CACNG1: variants seen among roughly 807,000 people sequenced by gnomAD.
The protein encoded by CACNG1 is voltage-dependent calcium channel gamma-1 subunit.
In CACNG1, 21 loss-of-function variants were observed where a neutral mutation model predicts 22.0. The observed-to-expected ratio is 0.95, with a 90% CI of 0.68 to 1.37. The LOEUF (loss-of-function observed/expected upper bound fraction) is 1.37. Ranked by LOEUF, CACNG1 falls within the 40% of genes most tolerant of loss-of-function variation. CACNG1 has a pLI of 0.00. For synonymous variants in CACNG1, 127 were observed against 129.2 expected (o/e 0.98, Z 0.12); for missense variants, 291 against 308.6 (o/e 0.94, Z 0.43).
intron 1 of CACNG1, among the ~76,000 whole-genome samples, chr17:67,049,857 T>TA (rs1269483426): frequency 6.6e-6 from 1 of 152,194 alleles, no homozygotes; most frequent in Non-Finnish European, 1.5e-5. Context: ...AGGTCCCACT[T>TA]AGTCTTAAAA....
Position 67,044,619 on chromosome 17 carries a change from C to A in CACNG1, c.-42C>A, listed in dbSNP as rs1477489790. On this transcript the variant is annotated 5_prime_UTR_variant, in exon 1 of 4. Coordinates refer to ENST00000226021, the MANE Select transcript of CACNG1 (RefSeq NM_000727.4). This position sits in a 1 kb window ranked among gnomAD's most constrained non-coding sequence, Gnocchi z 6.9. ...TTGTCACCTGCCCTAGGAGACGCAG[C>A]CGCCGGACCCTGCCCAGGGCACCCA... is the stretch of plus-strand genomic sequence containing the variant. 1.4e-6 allele frequency: 2 copies of A among 1,397,536 alleles called. No homozygotes were observed. The highest frequency in any genetic ancestry group is 2.0e-6 in the Non-Finnish European group (2 of 998,906). 86.6% of individuals were successfully genotyped at this position (1,397,536 alleles called of 1,614,324 possible).
chr17:67,048,673 A>G (rs778424658), intron 1 of CACNG1, among the ~76,000 whole-genome samples: 13 of 152,226 alleles, frequency 8.5e-5, no homozygotes, highest in Non-Finnish European at 1.3e-4. Flanking sequence ...AATCAAAACA[A>G]TTAAAGATGA....
At chr17:67,053,261 C>A (rs751749617) in intron 1 of CACNG1, among the ~76,000 whole-genome samples, 1 of 152,192 alleles carries the variant, frequency 6.6e-6, no homozygotes, top group African/African-American at 2.4e-5. Context: ...AATGGCCACT[C>A]GGAAAAAGCC....
rs758183813 is a variant in CACNG1 at position 67,055,139 on chromosome 17, G to A, written c.341G>A (p.Ser114Asn). ...TCGGCAGCCGCCATCGCCATCTTCA[G>A]CCTTGGCTTCATCATCCTGGGCAGC... ...SISAAAIAIF[S>N]LGFIILGSLC... Residue 114 changes from serine to asparagine, a missense_variant, in exon 3 of 4, where the codon AGC (serine) becomes AAC (asparagine). By Grantham distance (46) the Ser-to-Asn change is conservative (BLOSUM62 1). Transcript: ENST00000226021. The surrounding 1 kb of genome is among the most constrained non-coding windows in gnomAD (Gnocchi z 4.5). 55 of 1,614,086 alleles carry A rather than the reference G, an allele frequency of 3.4e-5. No individual in the cohort carries two copies. Among genetic ancestry groups the A allele is most frequent in the Non-Finnish European group, 4.5e-5 (53 of 1,180,036 alleles).
At position 67,056,466 on chromosome 17, in the gene CACNG1, C is replaced by T. The variant is rs1357342414; in HGVS notation, c.*195C>T. 1.3e-5 allele frequency: 8 copies of T among 600,198 alleles called. No individual in the cohort carries two copies. Among genetic ancestry groups the T allele is most frequent in the Admixed American group, 5.9e-5 (2 of 33,784 alleles). 37.2% of individuals were successfully genotyped at this position (600,198 alleles called of 1,614,324 possible). On this transcript the variant is annotated 3_prime_UTR_variant, in exon 4 of 4. Transcript: ENST00000226021. This position sits in a 1 kb window ranked among gnomAD's most constrained non-coding sequence, Gnocchi z 4.3. ...AGGCTCCCCTGGGAATAGAGCAAGA[C>T]GTGAGTCCTAACCTGGCCACAGTTG...
At position 67,054,724 on chromosome 17, in the gene CACNG1, TGACACA is replaced by T. The variant is rs1470482240; in HGVS notation, c.305-372_305-367del. Among the ~76,000 whole-genome samples the T allele has an allele frequency of 4.2e-5, 4 of 94,134 alleles. No individual in the cohort carries two copies. Among genetic ancestry groups the T allele is most frequent in the South Asian group, 1.1e-3 (2 of 1,888 alleles). The allele number at this position is 94,134 out of a possible 152,430, so 61.8% of individuals were successfully genotyped here. A position where few individuals can be genotyped will look rare whatever the true frequency, so the allele number is the denominator to read the frequency against. On this transcript the variant is annotated intron_variant, in intron 2 of 3. Coordinates refer to ENST00000226021, the MANE Select transcript of CACNG1 (RefSeq NM_000727.4). This position sits in a 1 kb window ranked among gnomAD's most constrained non-coding sequence, Gnocchi z 4.6. ...TGATGACACACAAAATGACACACAG[TGACACA>T]GACACACACTGATACACATGCATGA...
intron 1 of CACNG1, among the ~76,000 whole-genome samples, chr17:67,052,222 A>T (rs150547233): frequency 0.011 from 1,653 of 152,292 alleles, 17 homozygotes; most frequent in South Asian, 0.017. Context: ...GCAGTCAGAC[A>T]CCCCAGGTAA....
rs564579833 is a variant in CACNG1 at position 67,054,859 on chromosome 17, G to A, written c.305-244G>A. Among the ~76,000 whole-genome samples the A allele has an allele frequency of 2.0e-5, 3 of 149,478 alleles. No individual in the cohort carries two copies. The South Asian group carries it at 6.4e-4, about 32-fold the overall frequency. On this transcript the variant is annotated intron_variant, in intron 2 of 3. Transcript: ENST00000226021. The surrounding 1 kb of genome is among the most constrained non-coding windows in gnomAD (Gnocchi z 4.6). ...ACACTGACACACACGTACAATGACA[G>A]ACACAGAGACACACACTGACACATA... is the stretch of plus-strand genomic sequence containing the variant.
intron 1 of CACNG1, among the ~76,000 whole-genome samples, chr17:67,048,315 A>AC (rs1242513147): frequency 2.4e-5 from 2 of 84,928 alleles, no homozygotes; most frequent in Non-Finnish European, 4.5e-5. Context: ...TACCAAAAAA[A>AC]AAAAAAAAAA....
In CACNG1 at chr17:67,054,881, CAT is replaced by C. The variant is rs1024174086; in HGVS notation, c.305-219_305-218del. 1.3e-4 allele frequency among the ~76,000 whole-genome samples: 19 copies of C among 151,088 alleles called. No individual in the cohort carries two copies. The highest frequency in any genetic ancestry group is 4.4e-4 in the African/African-American group (18 of 41,050). Reference sequence around the variant, plus strand: ...ACAGACACAGAGACACACACTGACACATATGCATGACACACAATGACACACAC... The same window carrying C: ...ACAGACACAGAGACACACACTGACACATGCATGACACACAATGACACACAC... On this transcript the variant is annotated intron_variant, in intron 2 of 3. Transcript: ENST00000226021. This position sits in a 1 kb window ranked among gnomAD's most constrained non-coding sequence, Gnocchi z 4.6.
In CACNG1 at chr17:67,055,302, C is replaced by A; in HGVS notation, c.442+62C>A. The A allele has an allele frequency of 6.4e-7, 1 of 1,557,348 alleles. No homozygotes were observed. On this transcript the variant is annotated intron_variant, in intron 3 of 3. Coordinates refer to ENST00000226021, the MANE Select transcript of CACNG1 (RefSeq NM_000727.4). The surrounding 1 kb of genome is among the most constrained non-coding windows in gnomAD (Gnocchi z 4.5). ...GGACCATGTCGCGGGGGATTCTCCG[C>A]TCCACCCTCATGCCCACCGCGAGAT...
Position 67,056,163 on chromosome 17 carries a change from C to T in CACNG1, c.561C>T (p.Ala187=), listed in dbSNP as rs148854871. The T allele has an allele frequency of 1.7e-3, 2,711 of 1,613,918 alleles. 3 individuals are homozygous for T. The highest frequency in any genetic ancestry group is 2.4e-3 in the East Asian group (106 of 44,852). The change falls in exon 4 of 4, where the codon GCC becomes GCT. Residue 187 remains alanine (A), a synonymous_variant. Coordinates refer to ENST00000226021, the MANE Select transcript of CACNG1 (RefSeq NM_000727.4). This position sits in a 1 kb window ranked among gnomAD's most constrained non-coding sequence, Gnocchi z 4.3. The stretch of plus-strand genomic sequence containing the variant: ...CCTGGTCCTTTGCCTGCGCCTGTGC[C>T]GCCTTCATCCTCCTCTTTCTCGGCG... ...YYSWSFACAC[A]AFILLFLGGL...
intron 1 of CACNG1, among the ~76,000 whole-genome samples, chr17:67,049,440 T>G (rs546152567): frequency 6.6e-6 from 1 of 152,234 alleles, no homozygotes; most frequent in Non-Finnish European, 1.5e-5. Flanking sequence ...TTCACCGTTT[T>G]AGTCAATACA....
At chr17:67,048,956 G>A (rs1250451909) in intron 1 of CACNG1, among the ~76,000 whole-genome samples, 1 of 152,154 alleles carries the variant, frequency 6.6e-6, no homozygotes, top group Non-Finnish European at 1.5e-5. Flanking sequence ...TATGTAAAGG[G>A]AGTCCCAGAA....
At position 67,050,868 on chromosome 17, in the gene CACNG1, G is replaced by A. The variant is rs183670077; in HGVS notation, c.230-3128G>A. ...ATAACCCATTTAATATTTTTAAACC[G>A]CTGAGTCTTACAGAAATAAGGAGAT... On this transcript the variant is annotated intron_variant, in intron 1 of 3. Transcript: ENST00000226021. Among the ~76,000 whole-genome samples, 387 of 152,288 alleles carry A rather than the reference G, an allele frequency of 2.5e-3. 2 individuals carry two copies. Among genetic ancestry groups the A allele is most frequent in the Middle Eastern group, 0.01 (3 of 294 alleles).
At chr17:67,053,565 C>T (rs914930160) in intron 1 of CACNG1, among the ~76,000 whole-genome samples, 3 of 151,982 alleles carry the variant, frequency 2.0e-5, no homozygotes, top group Admixed American at 2.0e-4. Context: ...AGGTGTACCC[C>T]TCTCACCACC....
At chr17:67,046,885 G>A (rs934303984) in intron 1 of CACNG1, among the ~76,000 whole-genome samples, 1 of 152,214 alleles carries the variant, frequency 6.6e-6, no homozygotes. Context: ...GAGCCTGACA[G>A]GATCTACCTC....
At chr17:67,051,632 A>G (rs2035728868) in intron 1 of CACNG1, among the ~76,000 whole-genome samples, 1 of 152,228 alleles carries the variant, frequency 6.6e-6, no homozygotes, top group African/African-American at 2.4e-5. Context: ...TTAATGGAGA[A>G]GAGGGAGGAG....
chr17:67,054,421 T>C lies in CACNG1; in HGVS notation c.304+351T>C, dbSNP rs955887730. Among the ~76,000 whole-genome samples, 11 of 151,882 alleles carry C rather than the reference T, an allele frequency of 7.2e-5. No individual in the cohort carries two copies. Among genetic ancestry groups the C allele is most frequent in the African/African-American group, 2.7e-4 (11 of 41,308 alleles). ...TCTTGGTGGCATGTGATAGTTAGAG[T>C]CTGCAGGGACAGTCTGAGTCCCTCC... On this transcript the variant is annotated intron_variant, in intron 2 of 3. Coordinates refer to ENST00000226021, the MANE Select transcript of CACNG1 (RefSeq NM_000727.4). The surrounding 1 kb of genome is among the most constrained non-coding windows in gnomAD (Gnocchi z 4.6).
Sources: gnomAD v4.1 joint callset for allele counts (sites outside exome capture counted in the v4.1 genomes callset) on GRCh38, gnomAD v4.1.1 for gene constraint, Gnocchi (gnomAD v3.1) non-coding constraint, MANE v1.5 for transcripts, NCBI Gene and HGNC (gene_info 2026-07-23, HGNC 2026-07-21) for gene names.